The following NKAIN2 variants were observed in gnomAD, a reference collection of about 807,000 sequenced individuals.
NKAIN2 encodes sodium/potassium transporting ATPase interacting 2.
In NKAIN2, 14 loss-of-function variants were observed where a neutral mutation model predicts 32.6. The observed-to-expected ratio is 0.43, with a 90% CI of 0.28 to 0.67. The LOEUF (loss-of-function observed/expected upper bound fraction) is 0.67. Ranked by LOEUF, NKAIN2 falls within the 30% of genes least tolerant of loss-of-function variation. The probability of loss-of-function intolerance (pLI) is 0.17; values close to 1 mark genes in which losing one functional copy is unlikely to be tolerated. For synonymous variants in NKAIN2, 80 were observed against 87.2 expected (o/e 0.92, Z 0.46); for missense variants, 198 against 258.3 (o/e 0.77, Z 1.60).
intron 1 of NKAIN2, among the ~76,000 whole-genome samples, chr6:123,969,233 A>G (rs1778227583): frequency 6.6e-6 from 1 of 152,200 alleles, no homozygotes; most frequent in South Asian, 2.1e-4. Flanking sequence ...CAAGCGCCTT[A>G]GGTATTAATG....
chr6:124,441,457 T>TA (rs1775683908), intron 3 of NKAIN2, among the ~76,000 whole-genome samples: 2 of 152,040 alleles, frequency 1.3e-5, no homozygotes, highest in South Asian at 4.1e-4. Flanking sequence ...TTACGTGACT[T>TA]ACAAAGCCAG....
chr6:124,481,815 G>T (rs1193308370), intron 3 of NKAIN2, among the ~76,000 whole-genome samples: 1 of 151,966 alleles, frequency 6.6e-6, no homozygotes, highest in Non-Finnish European at 1.5e-5. Context: ...GATCATGCAT[G>T]CATAACAGGG....
intron 3 of NKAIN2, among the ~76,000 whole-genome samples, chr6:124,393,338 T>C (rs897495329): frequency 3.7e-5 from 5 of 134,050 alleles, no homozygotes; most frequent in African/African-American, 5.6e-5. Context: ...ATGTCACTTA[T>C]AGAATTTTTT....
intron 4 of NKAIN2, among the ~76,000 whole-genome samples, chr6:124,692,383 T>C (rs1365851003): frequency 1.3e-5 from 2 of 152,178 alleles, no homozygotes; most frequent in African/African-American, 4.8e-5. Flanking sequence ...TCCCGTTTTG[T>C]TATATAAAAA....
At position 123,932,434 on chromosome 6, in the gene NKAIN2, T is replaced by TTTTTTTTTC. The variant is rs1481221049; in HGVS notation, c.54+128180_54+128181insTTTTTTTTC. ...TTTTTTTTTTTTTTTTTTTTTTTTT[T>TTTTTTTTTC]GAGAAAGAGTCTTGTTCTTTTGCCC... On this transcript the variant is annotated intron_variant, in intron 1 of 6. Coordinates refer to ENST00000368417, the MANE Select transcript of NKAIN2 (RefSeq NM_001040214.3). 1.2e-3 allele frequency among the ~76,000 whole-genome samples: 113 copies of TTTTTTTTTC among 91,784 alleles called. 2 individuals carry two copies. The highest frequency in any genetic ancestry group is 5.0e-3 in the Middle Eastern group (1 of 200). 60.2% of individuals were successfully genotyped at this position (91,784 alleles called of 152,430 possible).
chr6:123,823,336 A>G (rs527576526), intron 1 of NKAIN2: 1 of 152,294 alleles, frequency 6.6e-6, no homozygotes, highest in Non-Finnish European at 1.5e-5. Flanking sequence ...ATACCTGAGG[A>G]TCTTTAGAGA....
chr6:123,825,421 C>A (rs61035045), intron 1 of NKAIN2, among the ~76,000 whole-genome samples: 1,695 of 152,202 alleles, frequency 0.011, 38 homozygotes, highest in African/African-American at 0.039. Context: ...ATTGAAAAAT[C>A]TGTTTTCAGA....
In NKAIN2 at chr6:123,861,569, A is replaced by T. The variant is rs73565133; in HGVS notation, c.54+57315A>T. ...TAACCTGAAAGTCATACTAAATTTTATTGAGAGTCCATCCCTAGGTAACAT... is the reference window on the plus strand; with the variant it reads ...TAACCTGAAAGTCATACTAAATTTTTTTGAGAGTCCATCCCTAGGTAACAT... On this transcript the variant is annotated intron_variant, in intron 1 of 6. Coordinates refer to ENST00000368417, the MANE Select transcript of NKAIN2 (RefSeq NM_001040214.3). Among the ~76,000 whole-genome samples, 1,164 of 152,272 alleles carry T rather than the reference A, an allele frequency of 7.6e-3. 8 individuals carry two copies. Among genetic ancestry groups the T allele is most frequent in the African/African-American group, 0.026 (1,084 of 41,562 alleles).
chr6:124,078,786 TTGTGTG>T lies in NKAIN2; in HGVS notation c.55-204183_55-204178del, dbSNP rs71021477. On this transcript the variant is annotated intron_variant, in intron 1 of 6. Transcript: ENST00000368417. ...CAAGCCAAAAATGGCTATGTCGTTT[TTGTGTG>T]TGTGTGTGTGTGTGTGTGTGTGTGT... is the stretch of plus-strand genomic sequence containing the variant. Among the ~76,000 whole-genome samples, 1,324 of 144,700 alleles carry T rather than the reference TTGTGTG, an allele frequency of 9.1e-3. 7 individuals are homozygous for T. Among genetic ancestry groups the T allele is most frequent in the East Asian group, 0.018 (89 of 4,856 alleles). 94.9% of individuals were successfully genotyped at this position (144,700 alleles called of 152,430 possible). A position where few individuals can be genotyped will look rare whatever the true frequency, so the allele number is the denominator to read the frequency against.
In NKAIN2 at chr6:124,572,285, C is replaced by G. The variant is rs1781156575; in HGVS notation, c.274-85901C>G. On this transcript the variant is annotated intron_variant, in intron 3 of 6. Coordinates refer to ENST00000368417, the MANE Select transcript of NKAIN2 (RefSeq NM_001040214.3). ...ATGCTAATTTCTTCCAATATCCTCA[C>G]AGATTCATCCAGAAATAATGTTCAA... is the stretch of plus-strand genomic sequence containing the variant. 2.6e-5 allele frequency among the ~76,000 whole-genome samples: 4 copies of G among 152,312 alleles called. No homozygotes were observed. In the Middle Eastern group the frequency reaches 0.01, roughly 389 times the overall value.
chr6:124,242,284 T>A (rs1793147564), intron 1 of NKAIN2, among the ~76,000 whole-genome samples: 1 of 151,962 alleles, frequency 6.6e-6, no homozygotes, highest in South Asian at 2.1e-4. Context: ...CCAACAAACA[T>A]ATGAAAAGAA....
chr6:124,673,314 A>G lies in NKAIN2; in HGVS notation c.474+14928A>G, dbSNP rs115956690. On this transcript the variant is annotated intron_variant, in intron 4 of 6. Transcript: ENST00000368417. ...GTCAGCAGATATTTAGGTTGATTTCATATCTTGCCTACTGTGAATAGTGCT... is the reference window on the plus strand; with the variant it reads ...GTCAGCAGATATTTAGGTTGATTTCGTATCTTGCCTACTGTGAATAGTGCT... Among the ~76,000 whole-genome samples, 656 of 152,236 alleles carry G rather than the reference A, an allele frequency of 4.3e-3. 7 individuals carry two copies. The highest frequency in any genetic ancestry group is 0.015 in the African/African-American group (631 of 41,568).
intron 1 of NKAIN2, among the ~76,000 whole-genome samples, chr6:124,155,594 C>G (rs1468510900): frequency 6.7e-6 from 1 of 149,988 alleles, no homozygotes; most frequent in Non-Finnish European, 1.5e-5. Context: ...GTAATATATG[C>G]TATCTTTTTT....
intron 1 of NKAIN2, among the ~76,000 whole-genome samples, chr6:123,833,736 A>ATTTTT: frequency 1.4e-5 from 1 of 72,358 alleles, no homozygotes; most frequent in African/African-American, 5.3e-5. Context: ...TTTCCTGTGG[A>ATTTTT]TTTTTTTTTT....
At chr6:124,488,166 T>C (rs1458909378) in intron 3 of NKAIN2, among the ~76,000 whole-genome samples, 1 of 152,038 alleles carries the variant, frequency 6.6e-6, no homozygotes, top group Non-Finnish European at 1.5e-5. Context: ...GCCACAATAC[T>C]GTATTTAGAA....
In NKAIN2 at chr6:124,107,586, G is replaced by A. The variant is rs1263899713; in HGVS notation, c.55-175419G>A. 2.0e-5 allele frequency among the ~76,000 whole-genome samples: 3 copies of A among 152,082 alleles called. No individual in the cohort carries two copies. The East Asian group carries it at 5.8e-4, about 29-fold the overall frequency. On this transcript the variant is annotated intron_variant, in intron 1 of 6. Coordinates refer to ENST00000368417, the MANE Select transcript of NKAIN2 (RefSeq NM_001040214.3). ...GTCTACAATCTTAGCAAATATTTCA[G>A]TGTACAGTACAGTGTTGTTAACTAT...
At chr6:124,252,522 ATT>A (rs1308475207) in intron 1 of NKAIN2, among the ~76,000 whole-genome samples, 1 of 152,080 alleles carries the variant, frequency 6.6e-6, no homozygotes, top group African/African-American at 2.4e-5. Context: ...TACTGGCTAT[ATT>A]CTTAGTCTTG....
chr6:124,248,633 T>C (rs1394165723), intron 1 of NKAIN2, among the ~76,000 whole-genome samples: 1 of 152,116 alleles, frequency 6.6e-6, no homozygotes, highest in African/African-American at 2.4e-5. Flanking sequence ...TTTATAATTG[T>C]GTATGTGGAG....
In NKAIN2 at chr6:124,823,399, C is replaced by T. The variant is rs1781471539; in HGVS notation, c.*170C>T. 5.3e-6 allele frequency: 3 copies of T among 566,236 alleles called. No homozygotes were observed. Among genetic ancestry groups the T allele is most frequent in the South Asian group, 4.2e-5 (2 of 47,286 alleles). The allele number at this position is 566,236 out of a possible 1,614,324, so 35.1% of individuals were successfully genotyped here. On this transcript the variant is annotated 3_prime_UTR_variant, in exon 7 of 7. Transcript: ENST00000368417. ...ACACTGACACACACACACACACACACGTGAGCACGCACACACCAATTCCAC... is the reference window on the plus strand; with the variant it reads ...ACACTGACACACACACACACACACATGTGAGCACGCACACACCAATTCCAC...
Sources: allele counts gnomAD v4.1 joint callset (sites outside exome capture counted in the v4.1 genomes callset), GRCh38; gene constraint gnomAD v4.1.1; transcripts MANE v1.5; gene names NCBI Gene and HGNC (gene_info 2026-07-23, HGNC 2026-07-21).